The following CAPN7 variants were observed in gnomAD, a reference collection of about 807,000 sequenced individuals.
CAPN7 encodes the protein calpain-7.
Under a neutral mutation model 115.2 loss-of-function variants are expected in CAPN7, and 72 were observed. That is an observed-to-expected ratio of 0.63 (90% CI 0.52 to 0.76). The LOEUF (loss-of-function observed/expected upper bound fraction) is 0.76, where lower values mean the gene tolerates loss of function less well. Among genes scored for constraint, CAPN7 ranks in the 30% least tolerant of loss-of-function variants. The probability of loss-of-function intolerance (pLI) is 0.00; values close to 1 mark genes in which losing one functional copy is unlikely to be tolerated. For synonymous variants in CAPN7, 344 were observed against 322.3 expected, an observed-to-expected ratio of 1.07 and a Z score of -0.72; for missense variants, 905 against 971.5, an observed-to-expected ratio of 0.93 and a Z score of 0.91.
At chr3:15,233,144 A>C (rs1026074519) in intron 10 of CAPN7, among the ~76,000 whole-genome samples, 3 of 152,208 alleles carry the variant, frequency 2.0e-5, no homozygotes, top group Non-Finnish European at 4.4e-5. Context: ...GTGGCCTTAG[A>C]AAATGTGTTT....
At chr3:15,248,392 A>G (rs1207206899) in intron 19 of CAPN7, among the ~76,000 whole-genome samples, 1 of 152,220 alleles carries the variant, frequency 6.6e-6, no homozygotes, top group Non-Finnish European at 1.5e-5. Flanking sequence ...AAAAAGCCAC[A>G]TGTACAGAAT....
At chr3:15,206,649 C>G (rs1233238094) in intron 1 of CAPN7, 52 bp downstream of exon 1, 2 of 1,343,728 alleles carry the variant, frequency 1.5e-6, no homozygotes, top group East Asian at 2.8e-5. Flanking sequence ...GAGTGCGGCC[C>G]GGGCCTGCGG....
chr3:15,206,644 C>A, intron 1 of CAPN7, 47 bp downstream of exon 1: 1 of 1,373,006 alleles, frequency 7.3e-7, no homozygotes, highest in African/African-American at 1.5e-5. Flanking sequence ...AGTCGGAGTG[C>A]GGCCCGGGCC....
intron 6 of CAPN7, 100 bp from the exon 7 acceptor site, chr3:15,227,739 A>T (rs1325790085): frequency 2.9e-6 from 2 of 680,998 alleles, no homozygotes; most frequent in Non-Finnish European, 4.4e-6. Context: ...GTACTGCTAT[A>T]ATCACTAGAC....
Position 15,242,188 on chromosome 3 carries a change from C to T in CAPN7, c.1799C>T (p.Ala600Val), listed in dbSNP as rs1294996382. Residue 600 changes from alanine (A) to valine (V), a missense_variant, in exon 16 of 21, where the codon GCG (alanine) becomes GTG (valine). Physicochemically the swap from Ala to Val is moderately conservative, Grantham distance 64. Transcript: ENST00000253693. ...TCTTTGTGATTTTAGGATGATTTTG[C>T]GAATAATCGAGAATTTATCACAATG... ...SRHITDKDDF[A>V]NNREFITMVV... 1.1e-5 allele frequency: 17 copies of T among 1,596,798 alleles called. No individual in the cohort carries two copies. Among genetic ancestry groups the T allele is most frequent in the East Asian group, 2.3e-5 (1 of 44,224 alleles).
At chr3:15,238,593 A>G (rs554359260) in intron 12 of CAPN7, among the ~76,000 whole-genome samples, 27 of 152,272 alleles carry the variant, frequency 1.8e-4, no homozygotes, top group Middle Eastern at 3.4e-3. Flanking sequence ...TAAAAGTGCT[A>G]TCATTTTTGT....
At chr3:15,245,823 C>G in intron 17 of CAPN7, 152 bp downstream of exon 17, 1 of 535,850 alleles carries the variant, frequency 1.9e-6, no homozygotes. Flanking sequence ...GTAAATTATA[C>G]TTTCTGTAGA....
chr3:15,206,988 TAAAA>T (rs1022034134), intron 1 of CAPN7, among the ~76,000 whole-genome samples: 1 of 152,246 alleles, frequency 6.6e-6, no homozygotes, highest in South Asian at 2.1e-4. Flanking sequence ...TAAATAAACT[TAAAA>T]AGAATAAAAA....
intron 9 of CAPN7, chr3:15,232,085 T>A (rs540144621): frequency 1.4e-3 from 478 of 350,596 alleles, no homozygotes; most frequent in Non-Finnish European, 2.4e-3. Flanking sequence ...GATTTTGGAT[T>A]TTAACAGATT....
chr3:15,245,584 G>C lies in CAPN7; in HGVS notation c.1923G>C (p.Lys641Asn). Reference sequence around the variant, plus strand: ...TTAACAGCCCTCATTATTTGACTAAGATAAAGCTGACCACACCTGGCACCC... The same window carrying C: ...TTAACAGCCCTCATTATTTGACTAACATAAAGCTGACCACACCTGGCACCC... ...IRINSPHYLT[K>N]IKLTTPGTHT... Residue 641 changes from lysine to asparagine, a missense_variant, in exon 17 of 21, where the codon AAG (lysine) becomes AAC (asparagine). Transcript: ENST00000253693. 6.2e-7 allele frequency: 1 copy of C among 1,613,930 alleles called. No homozygotes were observed. Among genetic ancestry groups the C allele is most frequent in the East Asian group, 2.2e-5 (1 of 44,836 alleles).
chr3:15,215,608 G>T (rs879637361), intron 2 of CAPN7, among the ~76,000 whole-genome samples: 24 of 152,210 alleles, frequency 1.6e-4, no homozygotes, highest in Non-Finnish European at 1.6e-4. Context: ...TTGCCATGTG[G>T]CTTCTTTCAC....
rs1290305274 is a variant in CAPN7, at chr3:15,235,117, A to G, written c.1379A>G (p.Tyr460Cys). The stretch of plus-strand genomic sequence containing the variant: ...TGGGGTCTGGTTCCCACACACGCAT[A>G]TGCTGTTTTGGATATTAGAGAGTTC... ...EKWGLVPTHA[Y>C]AVLDIREFKG... Residue 460 changes from tyrosine to cysteine, a missense_variant, in exon 12 of 21, where the codon TAT becomes TGT. Coordinates refer to ENST00000253693, the MANE Select transcript of CAPN7 (RefSeq NM_014296.3). 2 of 1,612,954 alleles carry G rather than the reference A, an allele frequency of 1.2e-6. No homozygotes were observed.
At chr3:15,247,540 TA>T in intron 19 of CAPN7, 83 bp downstream of exon 19, 1 of 1,085,316 alleles carries the variant, frequency 9.2e-7, no homozygotes, top group Non-Finnish European at 1.3e-6. Context: ...GAAACAGACC[TA>T]AGCATATATG....
At chr3:15,234,579 G>T (rs1694879508) in intron 11 of CAPN7, among the ~76,000 whole-genome samples, 1 of 152,088 alleles carries the variant, frequency 6.6e-6, no homozygotes, top group African/African-American at 2.4e-5. Flanking sequence ...AGGGAAAGTG[G>T]GAAAAGAGAA....
rs776216346 is a variant in CAPN7 at position 15,220,998 on chromosome 3, T to A, written c.638+17T>A. 9 of 1,596,134 alleles carry A rather than the reference T, an allele frequency of 5.6e-6. No homozygotes were observed. In the East Asian group the frequency reaches 2.0e-4, roughly 36 times the overall value. On this transcript the variant is annotated intron_variant, in intron 5 of 20. Transcript: ENST00000253693. ...AGTACTCAGGTAAATAAGTTTACAA[T>A]TAATTGTAATGAAGAATTTTGTTAA...
In CAPN7 at chr3:15,245,591, C is replaced by T. The variant is rs1300091602; in HGVS notation, c.1930C>T (p.Leu644=). 1 of 1,613,782 alleles carries T rather than the reference C, an allele frequency of 6.2e-7. No homozygotes were observed. The highest frequency in any genetic ancestry group is 1.3e-5 in the African/African-American group (1 of 74,896). Residue 644 remains leucine, a synonymous_variant, in exon 17 of 21, where the codon CTG becomes TTG. Transcript: ENST00000253693. ...CCCTCATTATTTGACTAAGATAAAG[C>T]TGACCACACCTGGCACCCATACCTT... ...NSPHYLTKIK[L]TTPGTHTFTL... is the part of the protein sequence containing the mutation.
Position 15,246,728 on chromosome 3 carries a change from C to G in CAPN7, c.2011-4C>G, listed in dbSNP as rs754836430. 1.9e-6 allele frequency: 3 copies of G among 1,582,220 alleles called. No homozygotes were observed. Among genetic ancestry groups the G allele is most frequent in the South Asian group, 2.2e-5 (2 of 89,662 alleles). ...TTATCAATACAGTCTTTTTTTAAAT[C>G]TAGGTATATTCAGCATGCAGCTTTA... On this transcript the variant is annotated splice_polypyrimidine_tract_variant and splice_region_variant and intron_variant, in intron 17 of 20. Coordinates refer to ENST00000253693, the MANE Select transcript of CAPN7 (RefSeq NM_014296.3).
chr3:15,229,553 CTTTTTTTCTTT>C lies in CAPN7; in HGVS notation c.938+502_938+512del, dbSNP rs1263232655. On this transcript the variant is annotated intron_variant, in intron 8 of 20. Transcript: ENST00000253693. Reference sequence around the variant, plus strand: ...GATTAAAACATCAAAATTGGTTTTACTTTTTTTCTTTTTTTTTTTTTTTTTTTTTTTTTTTT... The same window carrying C: ...GATTAAAACATCAAAATTGGTTTTACTTTTTTTTTTTTTTTTTTTTTTTTT... Among the ~76,000 whole-genome samples, 153 of 88,278 alleles carry C rather than the reference CTTTTTTTCTTT, an allele frequency of 1.7e-3. 1 individual carries two copies. The highest frequency in any genetic ancestry group is 5.6e-3 in the African/African-American group (146 of 26,292). 57.9% of individuals were successfully genotyped at this position (88,278 alleles called of 152,430 possible).
chr3:15,245,111 C>CAA (rs1298467693), intron 16 of CAPN7, among the ~76,000 whole-genome samples: 6,969 of 97,930 alleles, frequency 0.071, 572 homozygotes, highest in African/African-American at 0.2. Flanking sequence ...CTAGAATGAC[C>CAA]AAAAAAAAAA....
Sources: gnomAD v4.1 joint callset for allele counts (sites outside exome capture counted in the v4.1 genomes callset) on GRCh38, gnomAD v4.1.1 for gene constraint, MANE v1.5 for transcripts, NCBI Gene and HGNC (gene_info 2026-07-23, HGNC 2026-07-21) for gene names.